The following CTBP2 variants were observed in gnomAD, a reference collection of about 807,000 sequenced individuals.
CTBP2 encodes the protein C-terminal binding protein 2, also known as C-terminal-binding protein 2.
In CTBP2, 30 loss-of-function variants were observed where a neutral mutation model predicts 80.3. That is an observed-to-expected ratio of 0.37 (90% CI 0.28 to 0.51). CTBP2 has a LOEUF of 0.51. Among genes scored for constraint, CTBP2 ranks in the 20% least tolerant of loss-of-function variants. CTBP2 has a pLI of 0.93. For synonymous variants in CTBP2, 594 were observed against 587.4 expected, an observed-to-expected ratio of 1.01 and a Z score of -0.16; for missense variants, 1,212 against 1,375.3, an observed-to-expected ratio of 0.88 and a Z score of 1.88.
rs537673979 is a variant in CTBP2, at chr10:125,122,877, A to G, written c.-205-11784T>C. Reference sequence around the variant, plus strand: ...AGTGTTCTGGTCTAAGGCTGGGTCAAAAATCTTCCAGTCAATACACAGAAA... The same window carrying G: ...AGTGTTCTGGTCTAAGGCTGGGTCAGAAATCTTCCAGTCAATACACAGAAA... On this transcript the variant is annotated intron_variant, in intron 1 of 10. Transcript: ENST00000337195. 3 of 152,384 alleles carry G rather than the reference A, an allele frequency of 2.0e-5. No homozygotes were observed. The East Asian group carries it at 5.8e-4, about 29-fold the overall frequency. The allele number at this position is 152,384 out of a possible 1,614,324, so 9.4% of individuals were successfully genotyped here. A position where few individuals can be genotyped will look rare whatever the true frequency, so the allele number is the denominator to read the frequency against.
chr10:125,138,146 T>C (rs968243174), intron 1 of CTBP2: 3 of 152,238 alleles, frequency 2.0e-5, no homozygotes, highest in Non-Finnish European at 4.4e-5. Flanking sequence ...GGCAGGTTGC[T>C]GATAGGTCCC....
chr10:125,124,746 G>C (rs557322832), intron 1 of CTBP2, among the ~76,000 whole-genome samples: 2 of 152,238 alleles, frequency 1.3e-5, no homozygotes, highest in South Asian at 4.1e-4. Context: ...ATTTAAAATA[G>C]AAGTAATCAT....
rs570939279 is a variant in CTBP2, at chr10:124,985,273, G to A, written c.*4245C>T. 4.5e-5 allele frequency: 14 copies of A among 313,640 alleles called. No homozygotes were observed. The highest frequency in any genetic ancestry group is 8.5e-5 in the South Asian group (1 of 11,786). 19.4% of individuals were successfully genotyped at this position (313,640 alleles called of 1,614,324 possible). A position where few individuals can be genotyped will look rare whatever the true frequency, so the allele number is the denominator to read the frequency against. On this transcript the variant is annotated 3_prime_UTR_variant, in exon 9 of 9. Transcript: ENST00000309035. ...TTGTAAATCTGTCTATAAATGTAAC[G>A]CATGTGGTTGTGTAAGACATTGTTT...
intron 2 of CTBP2, among the ~76,000 whole-genome samples, chr10:125,073,826 C>A (rs942711710): frequency 6.6e-6 from 1 of 152,162 alleles, no homozygotes; most frequent in Admixed American, 6.5e-5. Flanking sequence ...CCGGACATGG[C>A]GACATATGAG....
intron 8 of CTBP2, among the ~76,000 whole-genome samples, chr10:124,991,082 C>G (rs375190753): frequency 6.6e-6 from 1 of 152,244 alleles, no homozygotes; most frequent in East Asian, 1.9e-4. Context: ...TTCCTCGGAA[C>G]GCCCAGGCTC....
chr10:125,024,662 T>C (rs112495445), intron 1 of CTBP2, among the ~76,000 whole-genome samples: 6 of 152,332 alleles, frequency 3.9e-5, no homozygotes, highest in East Asian at 1.9e-4. Context: ...TTAAGGAATA[T>C]GTTTTCAGAT....
upstream of CTBP2, among the ~76,000 whole-genome samples, chr10:125,032,340 T>C (rs1200864390): frequency 6.6e-6 from 1 of 152,180 alleles, no homozygotes; most frequent in Non-Finnish European, 1.5e-5. Context: ...CTCACCTCCA[T>C]GGTGACCCGC....
intron 2 of CTBP2, among the ~76,000 whole-genome samples, chr10:125,064,518 C>T (rs1173581253): frequency 2.0e-5 from 3 of 152,042 alleles, no homozygotes; most frequent in Non-Finnish European, 4.4e-5. Flanking sequence ...GAAGAGAGCC[C>T]CAACTCTAAG....
intron 2 of CTBP2, among the ~76,000 whole-genome samples, chr10:125,057,871 C>T (rs1964258504): frequency 1.3e-5 from 2 of 152,276 alleles, no homozygotes; most frequent in South Asian, 2.1e-4. Context: ...CTTCGTTACA[C>T]TCTGACGCAG....
chr10:125,070,951 A>G (rs954876101), intron 2 of CTBP2, among the ~76,000 whole-genome samples: 1 of 152,214 alleles, frequency 6.6e-6, no homozygotes, highest in Non-Finnish European at 1.5e-5. Flanking sequence ...TAAAATAAAA[A>G]CTTTTTAACC....
intron 3 of CTBP2, chr10:125,001,569 G>A (rs1250547609): frequency 2.0e-5 from 3 of 152,240 alleles, no homozygotes; most frequent in African/African-American, 7.2e-5. Flanking sequence ...GAGGGGTGTG[G>A]GGAGGGTGAG....
rs1564914885 is a variant in CTBP2 at position 125,098,764 on chromosome 10, G to GAGAGAGAGAC, written c.-102+12225_-102+12226insGTCTCTCTCT. ...AGAGAGAGAGACAGAGAGAGAGAGA[G>GAGAGAGAGAC]AGAGAGAGAGAGAGACAGAGAGAGA... On this transcript the variant is annotated intron_variant, in intron 2 of 10. Transcript: ENST00000337195. Among the ~76,000 whole-genome samples, 331 of 105,318 alleles carry GAGAGAGAGAC rather than the reference G, an allele frequency of 3.1e-3. 10 individuals carry two copies. The highest frequency in any genetic ancestry group is 0.015 in the Middle Eastern group (3 of 196). 69.1% of individuals were successfully genotyped at this position (105,318 alleles called of 152,430 possible).
chr10:125,147,437 C>G (rs778530790), intron 1 of CTBP2, among the ~76,000 whole-genome samples: 1 of 152,164 alleles, frequency 6.6e-6, no homozygotes, highest in African/African-American at 2.4e-5. Flanking sequence ...TGACCTAATA[C>G]GTAGTAACAT....
chr10:125,043,503 C>G (rs1960420906), intron 2 of CTBP2, among the ~76,000 whole-genome samples: 1 of 152,154 alleles, frequency 6.6e-6, no homozygotes, highest in Admixed American at 6.5e-5. Flanking sequence ...GGGGCGCAAT[C>G]TGGGCTCACT....
At chr10:125,119,003 C>T (rs926436315) in intron 1 of CTBP2, among the ~76,000 whole-genome samples, 6 of 152,330 alleles carry the variant, frequency 3.9e-5, no homozygotes, top group Admixed American at 1.3e-4. Context: ...CCACTACTAA[C>T]CAGCTGGGGC....
At chr10:125,050,823 T>C (rs960331001) in intron 2 of CTBP2, among the ~76,000 whole-genome samples, 1 of 152,012 alleles carries the variant, frequency 6.6e-6, no homozygotes, top group African/African-American at 2.4e-5. Flanking sequence ...TGGAAAGAGG[T>C]TGCTGGGGAG....
Position 124,989,362 on chromosome 10 carries a change from T to G in CTBP2, c.*156A>C. On this transcript the variant is annotated 3_prime_UTR_variant, in exon 9 of 9. Coordinates refer to ENST00000309035, the MANE Select transcript of CTBP2 (RefSeq NM_022802.3). ...TCCGTAAGCAGACGACATCTTCAGT[T>G]TTCTAGCTCTTGTAGTTTCAACACT... 1 of 861,348 alleles carries G rather than the reference T, an allele frequency of 1.2e-6. No homozygotes were observed. Among genetic ancestry groups the G allele is most frequent in the Non-Finnish European group, 1.9e-6 (1 of 523,404 alleles). The allele number at this position is 861,348 out of a possible 1,614,324, so 53.4% of individuals were successfully genotyped here. A position where few individuals can be genotyped will look rare whatever the true frequency, so the allele number is the denominator to read the frequency against.
chr10:125,106,487 G>C (rs1851477909), intron 2 of CTBP2, among the ~76,000 whole-genome samples: 1 of 152,222 alleles, frequency 6.6e-6, no homozygotes, highest in Non-Finnish European at 1.5e-5. Flanking sequence ...CTGGCAGGTG[G>C]ATCTGGGCGT....
intron 2 of CTBP2, among the ~76,000 whole-genome samples, chr10:125,106,635 G>C (rs555137904): frequency 1.8e-4 from 28 of 152,228 alleles, no homozygotes; most frequent in Non-Finnish European, 1.3e-4. Context: ...AAGAGTGAGA[G>C]GCAAGTGTGC....
Sources: gnomAD v4.1 joint callset for allele counts (sites outside exome capture counted in the v4.1 genomes callset) on GRCh38, gnomAD v4.1.1 for gene constraint, MANE v1.5 for transcripts, NCBI Gene and HGNC (gene_info 2026-07-23, HGNC 2026-07-21) for gene names.